IFT88: variants seen among roughly 807,000 people sequenced by gnomAD.
IFT88 encodes intraflagellar transport protein 88 homolog.
A neutral mutation model predicts 119.5 loss-of-function variants in IFT88; 74 were observed. The ratio of observed to expected loss-of-function variants is 0.62; its 90% CI spans 0.51 to 0.75. The LOEUF is 0.75. Ranked by LOEUF, IFT88 falls within the 30% of genes least tolerant of loss-of-function variation. IFT88 has a pLI of 0.00. For synonymous variants in IFT88, 279 were observed against 316.7 expected, an observed-to-expected ratio of 0.88 and a Z score of 1.26; for missense variants, 961 against 977.7, an observed-to-expected ratio of 0.98 and a Z score of 0.23.
intron 1 of IFT88, chr13:20,567,918 G>T: frequency 2.9e-6 from 2 of 694,080 alleles, no homozygotes; most frequent in Non-Finnish European, 2.6e-6. Flanking sequence ...GTAGACCAAG[G>T]GTGTCCAATC....
chr13:20,621,493 C>T (rs75310984), intron 14 of IFT88, among the ~76,000 whole-genome samples: 1,600 of 140,700 alleles, frequency 0.011, 35 homozygotes, highest in African/African-American at 0.043. Flanking sequence ...TATTTTAAAA[C>T]CAACTTGTCA....
intron 14 of IFT88, among the ~76,000 whole-genome samples, chr13:20,621,607 T>G (rs1375710414): frequency 1.3e-5 from 2 of 151,800 alleles, no homozygotes; most frequent in African/African-American, 2.4e-5. Context: ...TTAGAACAGT[T>G]TTAGTTTCTT....
At chr13:20,635,116 A>T (rs1159715683) in intron 16 of IFT88, among the ~76,000 whole-genome samples, 1 of 152,090 alleles carries the variant, frequency 6.6e-6, no homozygotes, top group African/African-American at 2.4e-5. Flanking sequence ...ATGTCCCTAC[A>T]AAGGACATGA....
At chr13:20,598,956 C>T (rs1260603979) in intron 10 of IFT88, among the ~76,000 whole-genome samples, 1 of 151,804 alleles carries the variant, frequency 6.6e-6, no homozygotes, top group African/African-American at 2.4e-5. Flanking sequence ...AGGTATATTG[C>T]CTAATAGTAT....
chr13:20,614,943 G>A (rs970861363), intron 13 of IFT88, among the ~76,000 whole-genome samples: 4 of 149,664 alleles, frequency 2.7e-5, no homozygotes, highest in Non-Finnish European at 5.9e-5. Context: ...AGCCTCCTTA[G>A]TAGCTGGGAC....
intron 15 of IFT88, among the ~76,000 whole-genome samples, chr13:20,626,981 C>T (rs905906002): frequency 3.3e-5 from 5 of 152,120 alleles, no homozygotes; most frequent in Admixed American, 3.3e-4. Flanking sequence ...GAACTTTTTG[C>T]TCTGGGAGAC....
intron 17 of IFT88, among the ~76,000 whole-genome samples, chr13:20,639,533 G>C (rs2049530617): frequency 1.3e-5 from 2 of 152,192 alleles, no homozygotes; most frequent in South Asian, 4.1e-4. Context: ...GGTGGAGTCT[G>C]GGAGAGCCTC....
intron 16 of IFT88, among the ~76,000 whole-genome samples, chr13:20,633,865 A>G (rs754425707): frequency 3.9e-5 from 6 of 152,164 alleles, no homozygotes; most frequent in Non-Finnish European, 7.4e-5. Context: ...CTTGCTGTGT[A>G]ATGAACTGCC....
At chr13:20,568,322 A>G (rs1356555850) in intron 1 of IFT88, among the ~76,000 whole-genome samples, 5 of 152,248 alleles carry the variant, frequency 3.3e-5, no homozygotes, top group South Asian at 2.1e-4. Flanking sequence ...CCTGGGTTGT[A>G]TAACAACAGT....
At position 20,601,071 on chromosome 13, in the gene IFT88, A is replaced by T. The variant is rs534639604; in HGVS notation, c.813-634A>T. Among the ~76,000 whole-genome samples, 102 of 152,330 alleles carry T rather than the reference A, an allele frequency of 6.7e-4. 2 individuals are homozygous for T. The South Asian group carries it at 0.021, about 31-fold the overall frequency. ...TGCCTAGAAGAGACAGAGAGACAGA[A>T]AATAGACTAATGGGCCGGGCACGGT... On this transcript the variant is annotated intron_variant, in intron 11 of 25. Coordinates refer to ENST00000351808, the MANE Select transcript of IFT88 (RefSeq NM_006531.5).
At chr13:20,625,053 C>A (rs895929357) in intron 14 of IFT88, among the ~76,000 whole-genome samples, 3 of 150,898 alleles carry the variant, frequency 2.0e-5, no homozygotes, top group Non-Finnish European at 4.5e-5. Flanking sequence ...CCCACCACCC[C>A]CTATCTCTTC....
At chr13:20,608,439 G>A (rs920145354) in intron 13 of IFT88, among the ~76,000 whole-genome samples, 20 of 152,234 alleles carry the variant, frequency 1.3e-4, no homozygotes, top group African/African-American at 4.1e-4. Flanking sequence ...CCGAGATCTT[G>A]GCCACGTTGT....
chr13:20,674,292 A>G (rs1411038), intron 24 of IFT88, among the ~76,000 whole-genome samples: 40,536 of 152,088 alleles, frequency 0.27, 6,595 homozygotes, highest in East Asian at 0.7. Flanking sequence ...GGGAATAACT[A>G]TATTCTGTCC....
chr13:20,655,952 T>G (rs2052702957), intron 21 of IFT88, among the ~76,000 whole-genome samples: 1 of 152,058 alleles, frequency 6.6e-6, no homozygotes, highest in Non-Finnish European at 1.5e-5. Context: ...CACTAAAATA[T>G]TTAAAGTGAA....
chr13:20,659,362 T>C (rs537229246), intron 22 of IFT88, among the ~76,000 whole-genome samples: 1 of 152,150 alleles, frequency 6.6e-6, no homozygotes, highest in East Asian at 1.9e-4. Context: ...GGCATGGTGG[T>C]GTGCATCTAT....
intron 23 of IFT88, among the ~76,000 whole-genome samples, chr13:20,667,189 C>T (rs573936224): frequency 1.8e-4 from 27 of 152,298 alleles, no homozygotes; most frequent in South Asian, 4.1e-4. Flanking sequence ...ACATCCACTC[C>T]AAAGTGATAA....
At position 20,674,724 on chromosome 13, in the gene IFT88, A is replaced by ATTT. The variant is rs35617736; in HGVS notation, c.2242+3704_2242+3706dup. ...GTTTTATATATATATATATATATAT[A>ATTT]TTTTTTTTTTTTTTTTTTTTTGAGA... is the stretch of plus-strand genomic sequence containing the variant. On this transcript the variant is annotated intron_variant, in intron 24 of 25. Transcript: ENST00000351808. Among the ~76,000 whole-genome samples, 170 of 73,762 alleles carry ATTT rather than the reference A, an allele frequency of 2.3e-3. 2 individuals carry two copies. The highest frequency in any genetic ancestry group is 9.2e-3 in the East Asian group (20 of 2,166). The allele number at this position is 73,762 out of a possible 152,430, so 48.4% of individuals were successfully genotyped here. A position where few individuals can be genotyped will look rare whatever the true frequency, so the allele number is the denominator to read the frequency against.
At chr13:20,603,468 C>G (rs1471084705) in intron 12 of IFT88, among the ~76,000 whole-genome samples, 1 of 151,932 alleles carries the variant, frequency 6.6e-6, no homozygotes, top group Non-Finnish European at 1.5e-5. Flanking sequence ...GGCTCTCCTA[C>G]TCAGCTCTTA....
chr13:20,648,064 A>G (rs894304793), intron 20 of IFT88, among the ~76,000 whole-genome samples: 1 of 152,156 alleles, frequency 6.6e-6, no homozygotes, highest in East Asian at 1.9e-4. Flanking sequence ...ATTTAAAAGC[A>G]AACAAACAAA....
Sources: gnomAD v4.1 joint callset for allele counts (sites outside exome capture counted in the v4.1 genomes callset) on GRCh38, gnomAD v4.1.1 for gene constraint, MANE v1.5 for transcripts, NCBI Gene and HGNC (gene_info 2026-07-23, HGNC 2026-07-21) for gene names.